Variants in GJE1 observed in about 807,000 individuals in gnomAD.
GJE1 encodes the protein gap junction protein epsilon 1, also known as gap junction epsilon-1 protein.
GJE1 carries 9 observed loss-of-function variants against 6.2 expected under a neutral mutation model. The ratio of observed to expected loss-of-function variants is 1.45; its 90% CI spans 0.87 to 2.52. The LOEUF is 2.52. Ranked by LOEUF, GJE1 falls within the 30% of genes most tolerant of loss-of-function variation. The pLI is 0.00. For missense variants in GJE1, 190 were observed against 87.7 expected (o/e 2.17, Z -4.66); for synonymous variants, 65 against 30.1 (o/e 2.16, Z -3.80).
In GJE1 at chr6:142,134,777, T is replaced by C. The variant is rs890356164; in HGVS notation, c.473T>C (p.Ile158Thr). The C allele has an allele frequency of 4.3e-5, 30 of 692,824 alleles. No individual in the cohort carries two copies. The African/African-American group carries it at 5.3e-4, about 12-fold the overall frequency. The allele number at this position is 692,824 out of a possible 1,614,324, so 42.9% of individuals were successfully genotyped here. A position where few individuals can be genotyped will look rare whatever the true frequency, so the allele number is the denominator to read the frequency against. Reference sequence around the variant, plus strand: ...GCTAGATCTCTTGGGGAAAACATGATTATAAGATGCATGGTTCCAGAACAC... The same window carrying C: ...GCTAGATCTCTTGGGGAAAACATGACTATAAGATGCATGGTTCCAGAACAC... Residue 158 changes from isoleucine (I) to threonine (T), a missense_variant, in exon 3 of 3, where the codon ATT becomes ACT. Coordinates refer to ENST00000450456, the Ensembl canonical transcript of GJE1.
chr6:142,134,608 A>T (rs556957295), exon 3 of GJE1: 2 of 668,594 alleles, frequency 3.0e-6, no homozygotes, highest in African/African-American at 1.8e-5. Flanking sequence ...TAAAAGCATC[A>T]ATCAAGAATG....
At chr6:142,133,442 AG>A (rs1161242479) in intron 1 of GJE1, among the ~76,000 whole-genome samples, 5 of 152,208 alleles carry the variant, frequency 3.3e-5, no homozygotes, top group African/African-American at 4.8e-5. Context: ...AGAGGAAAAA[AG>A]CTTTAACTAC....
chr6:142,134,397 A>G, intron 2 of GJE1, 142 bp from the exon 3 acceptor site: 1 of 455,214 alleles, frequency 2.2e-6, no homozygotes, highest in Non-Finnish European at 3.8e-6. Flanking sequence ...CATTATATTA[A>G]GACACATATA....
chr6:142,133,220 A>G (rs1172213266), intron 1 of GJE1, 23 bp downstream of exon 1: 1 of 647,942 alleles, frequency 1.5e-6, no homozygotes, highest in African/African-American at 1.8e-5. Flanking sequence ...CAAACAAAAA[A>G]TCAATTGTAT....
At chr6:142,133,418 C>T (rs889058737) in intron 1 of GJE1, among the ~76,000 whole-genome samples, 4 of 151,994 alleles carry the variant, frequency 2.6e-5, no homozygotes, top group East Asian at 1.9e-4. Context: ...CTCTCAATTC[C>T]CTAATTAAGA....
At chr6:142,135,128 C>T (rs1051409016) in exon 3 of GJE1, 38 of 287,966 alleles carry the variant, frequency 1.3e-4, no homozygotes, top group African/African-American at 6.9e-4. Flanking sequence ...AAAATATACA[C>T]AGAACTACTG....
chr6:142,134,692 G>C (rs188423920), exon 3 of GJE1: 1 of 695,590 alleles, frequency 1.4e-6, no homozygotes, highest in Non-Finnish European at 2.6e-6. Context: ...AGCGGCAATA[G>C]CATTCTGGCT....
chr6:142,133,062 C>A (rs1454828684), upstream of GJE1: 2 of 563,666 alleles, frequency 3.5e-6, no homozygotes, highest in Non-Finnish European at 6.4e-6. Context: ...CTGTAAGAGT[C>A]CTGAGAGAAT....
chr6:142,134,436 A>G (rs1434189390), intron 2 of GJE1, 103 bp from the exon 3 acceptor site: 2 of 443,880 alleles, frequency 4.5e-6, no homozygotes, highest in African/African-American at 2.0e-5. Flanking sequence ...GAATTTTTAA[A>G]TTAGACTCTG....
At chr6:142,134,951 G>T in exon 3 of GJE1, 1 of 507,796 alleles carries the variant, frequency 2.0e-6, no homozygotes, top group Non-Finnish European at 3.5e-6. Flanking sequence ...TCATGCTGCA[G>T]TTATTTATCA....
intron 1 of GJE1, 113 bp from the exon 2 acceptor site, chr6:142,133,737 G>T: frequency 1.9e-6 from 1 of 518,744 alleles, no homozygotes; most frequent in South Asian, 3.4e-5. Flanking sequence ...GGTCTATTTG[G>T]CTTCAAAACT....
chr6:142,134,893 A>C, exon 3 of GJE1: 1 of 608,238 alleles, frequency 1.6e-6, no homozygotes, highest in Non-Finnish European at 2.9e-6. Flanking sequence ...GATCATATTT[A>C]GAAGATTATA....
intron 1 of GJE1, 45 bp downstream of exon 1, chr6:142,133,242 G>A: frequency 1.6e-6 from 1 of 615,388 alleles, no homozygotes; most frequent in Non-Finnish European, 2.9e-6. Context: ...AGTCTTTTCT[G>A]AGTATTTTAC....
chr6:142,134,346 G>T (rs113618054), intron 2 of GJE1, among the ~76,000 whole-genome samples, 193 bp from the exon 3 acceptor site: 2,336 of 152,096 alleles, frequency 0.015, 49 homozygotes, highest in South Asian at 0.07. Flanking sequence ...AGTAATATAT[G>T]ACTATGTTTT....
At position 142,134,068 on chromosome 6, in the gene GJE1, A is replaced by G. The variant is rs916938975; in HGVS notation, c.234+24A>G. Reference sequence around the variant, plus strand: ...CTGTGTGCACATAAACATTAACTCTACAACAAACTCATTTTCTCTTTAAAT... The same window carrying G: ...CTGTGTGCACATAAACATTAACTCTGCAACAAACTCATTTTCTCTTTAAAT... On this transcript the variant is annotated intron_variant, in intron 2 of 2. Coordinates refer to ENST00000450456, the Ensembl canonical transcript of GJE1. The G allele has an allele frequency of 1.0e-5, 6 of 600,458 alleles. No homozygotes were observed. The African/African-American group carries it at 1.1e-4, about 11-fold the overall frequency. 37.2% of individuals were successfully genotyped at this position (600,458 alleles called of 1,614,324 possible). A position where few individuals can be genotyped will look rare whatever the true frequency, so the allele number is the denominator to read the frequency against.
intron 1 of GJE1, 100 bp downstream of exon 1, chr6:142,133,297 G>C: frequency 2.0e-6 from 1 of 490,632 alleles, no homozygotes; most frequent in Non-Finnish European, 3.6e-6. Context: ...TACATCTATG[G>C]AGAATACTGT....
exon 3 of GJE1, chr6:142,134,927 A>T (rs1283376198): frequency 3.6e-6 from 2 of 548,770 alleles, no homozygotes; most frequent in Non-Finnish European, 6.4e-6. Context: ...CAATGACCAA[A>T]TAATTACCTA....
exon 2 of GJE1, chr6:142,134,010 A>T: frequency 2.9e-6 from 2 of 700,250 alleles, no homozygotes; most frequent in Non-Finnish European, 2.6e-6. Context: ...TGTTACAATC[A>T]GTTCAGGCCA....
At chr6:142,134,076 C>A (rs772003356) in intron 2 of GJE1, 32 bp downstream of exon 2, 2 of 568,562 alleles carry the variant, frequency 3.5e-6, no homozygotes, top group South Asian at 2.4e-5. Context: ...CTACAACAAA[C>A]TCATTTTCTC....
Sources: allele counts gnomAD v4.1 joint callset (sites outside exome capture counted in the v4.1 genomes callset), GRCh38; gene constraint gnomAD v4.1.1; transcripts MANE v1.5; gene names NCBI Gene and HGNC (gene_info 2026-07-23, HGNC 2026-07-21).